VIPR2: variants seen among roughly 807,000 people sequenced by gnomAD.
VIPR2 encodes the protein vasoactive intestinal peptide receptor 2.
A neutral mutation model predicts 58.0 loss-of-function variants in VIPR2; 48 were observed. That is an observed-to-expected ratio of 0.83 (90% CI 0.66 to 1.05). The LOEUF (loss-of-function observed/expected upper bound fraction) is 1.05. VIPR2 is among the 50% of genes least tolerant of loss of function. VIPR2 has a pLI of 0.00. For missense variants in VIPR2, 534 were observed against 558.0 expected, an observed-to-expected ratio of 0.96 and a Z score of 0.43; for synonymous variants, 243 against 235.2, an observed-to-expected ratio of 1.03 and a Z score of -0.30.
In VIPR2 at chr7:159,110,980, A is replaced by C. The variant is rs546094103; in HGVS notation, c.152-1061T>G. 1.8e-3 allele frequency among the ~76,000 whole-genome samples: 274 copies of C among 152,386 alleles called. 1 individual carries two copies. Among genetic ancestry groups the C allele is most frequent in the Middle Eastern group, 6.8e-3 (2 of 294 alleles). On this transcript the variant is annotated intron_variant, in intron 2 of 12. Transcript: ENST00000262178. ...AATACTTGAATAAGTACATAAATTCATATTACATTAATGTTAACATATTTA... is the reference window on the plus strand; with the variant it reads ...AATACTTGAATAAGTACATAAATTCCTATTACATTAATGTTAACATATTTA...
rs1856391681 is a variant in VIPR2, at chr7:159,071,526, C to G, written c.358-12948G>C. Among the ~76,000 whole-genome samples, 3 of 152,350 alleles carry G rather than the reference C, an allele frequency of 2.0e-5. No homozygotes were observed. In the South Asian group the frequency reaches 6.2e-4, roughly 32 times the overall value. ...CAGTTGTGCCTGGAGCTCGGACCCA[C>G]AACCCCACCAGCCTCATCCCAAGGC... On this transcript the variant is annotated intron_variant, in intron 4 of 12. Transcript: ENST00000262178.
At position 159,030,713 on chromosome 7, in the gene VIPR2, C is replaced by T. The variant is rs369236802; in HGVS notation, c.1220G>A (p.Gly407Asp). Residue 407 changes from glycine (G) to aspartate (D), a missense_variant, in exon 13 of 13, where the codon GGT (glycine) becomes GAT (aspartate). Coordinates refer to ENST00000262178, the MANE Select transcript of VIPR2 (RefSeq NM_003382.5). ...PSASRDYRVC[G>D]SSFSRNGSEG... ...CGAGCCGTTGCGGGAGAAGGAGGAA[C>T]CGCAGACCCTGTAATCCCGGCTCGC... The T allele has an allele frequency of 2.5e-6, 4 of 1,593,300 alleles. No homozygotes were observed. Among genetic ancestry groups the T allele is most frequent in the African/African-American group, 1.3e-5 (1 of 74,542 alleles).
At chr7:159,132,862 T>TGATTGGCATACAGATTGATTTC (rs1563355309) in intron 2 of VIPR2, among the ~76,000 whole-genome samples, 2 of 48,182 alleles carry the variant, frequency 4.2e-5, no homozygotes, top group African/African-American at 7.7e-5. Flanking sequence ...CGATTGATTT[T>TGATTGGCATACAGATTGATTTC]AGACAGAATG....
chr7:159,105,826 T>C (rs970488677), intron 3 of VIPR2, among the ~76,000 whole-genome samples: 1 of 152,194 alleles, frequency 6.6e-6, no homozygotes, highest in Non-Finnish European at 1.5e-5. Context: ...AGATAAATAA[T>C]GTGCCCATCA....
At chr7:159,112,282 C>A (rs1796044731) in intron 2 of VIPR2, among the ~76,000 whole-genome samples, 1 of 152,226 alleles carries the variant, frequency 6.6e-6, no homozygotes, top group African/African-American at 2.4e-5. Context: ...GAGCTAGACG[C>A]TGTCAGGATG....
Position 159,035,913 on chromosome 7 carries a change from G to A in VIPR2, c.809+39C>T, listed in dbSNP as rs200592344. The A allele has an allele frequency of 3.2e-4, 517 of 1,601,196 alleles. 2 individuals are homozygous for A. Among genetic ancestry groups the A allele is most frequent in the Admixed American group, 9.0e-4 (53 of 58,954 alleles). On this transcript the variant is annotated intron_variant, in intron 8 of 12. Transcript: ENST00000262178. ...GGACTTCATGTTGCCAGATGTTGCCGGGCCCGTTTTCGAGGTTGCAGTCTG... is the reference window on the plus strand; with the variant it reads ...GGACTTCATGTTGCCAGATGTTGCCAGGCCCGTTTTCGAGGTTGCAGTCTG...
chr7:159,123,368 C>T (rs1015078850), intron 2 of VIPR2, among the ~76,000 whole-genome samples: 5 of 147,624 alleles, frequency 3.4e-5, no homozygotes, highest in African/African-American at 1.2e-4. Context: ...CATAAGTTCT[C>T]ATAATTTAGC....
chr7:159,062,996 G>A (rs1855799369), intron 4 of VIPR2, among the ~76,000 whole-genome samples: 1 of 152,188 alleles, frequency 6.6e-6, no homozygotes, highest in Non-Finnish European at 1.5e-5. Context: ...GCTAGACACA[G>A]GGTGTTGACT....
rs565316137 is a variant in VIPR2 at position 159,125,098 on chromosome 7, C to T, written c.152-15179G>A. 7.9e-5 allele frequency among the ~76,000 whole-genome samples: 12 copies of T among 152,304 alleles called. No homozygotes were observed. The South Asian group carries it at 1.9e-3, about 24-fold the overall frequency. On this transcript the variant is annotated intron_variant, in intron 2 of 12. Transcript: ENST00000262178. ...ATCTGCAAAAGGGGTAAGTTGACTT[C>T]CTCTCTTCCTATTTGGATGCGCTTT...
At chr7:159,134,360 A>C (rs570475805) in intron 2 of VIPR2, among the ~76,000 whole-genome samples, 2 of 152,372 alleles carry the variant, frequency 1.3e-5, no homozygotes, top group East Asian at 1.9e-4. Context: ...GTATATGAAA[A>C]AAACAGAGAA....
chr7:159,045,700 A>G (rs1854603343), intron 5 of VIPR2, among the ~76,000 whole-genome samples: 1 of 152,166 alleles, frequency 6.6e-6, no homozygotes, highest in Admixed American at 6.5e-5. Context: ...CAAGTCTAAT[A>G]GGCTCTGTTG....
At chr7:159,115,365 C>T (rs543923141) in intron 2 of VIPR2, among the ~76,000 whole-genome samples, 4 of 152,216 alleles carry the variant, frequency 2.6e-5, no homozygotes, top group Non-Finnish European at 4.4e-5. Flanking sequence ...TCAGAGGAGC[C>T]GCTTCTCTGG....
In VIPR2 at chr7:159,093,434, G is replaced by A. The variant is rs1857615838; in HGVS notation, c.357+10323C>T. ...CTTACTTTCGAGGGTGCTGGCGGGT[G>A]TGGCTGGAGCTCACTCTCACTGCCG... On this transcript the variant is annotated intron_variant, in intron 4 of 12. Coordinates refer to ENST00000262178, the MANE Select transcript of VIPR2 (RefSeq NM_003382.5). This position sits in a 1 kb window ranked among gnomAD's most constrained non-coding sequence, Gnocchi z 6.7. 6.6e-6 allele frequency among the ~76,000 whole-genome samples: 1 copy of A among 152,216 alleles called. No homozygotes were observed. The highest frequency in any genetic ancestry group is 1.9e-4 in the East Asian group (1 of 5,190).
intron 12 of VIPR2, 107 bp from the exon 13 acceptor site, chr7:159,030,896 G>C: frequency 7.4e-7 from 1 of 1,343,994 alleles, no homozygotes; most frequent in Non-Finnish European, 9.8e-7. Flanking sequence ...GCCTGCTCCC[G>C]TATCTGTGTT....
At chr7:159,038,558 G>C (rs1013769767) in intron 6 of VIPR2, among the ~76,000 whole-genome samples, 2 of 152,158 alleles carry the variant, frequency 1.3e-5, no homozygotes, top group Non-Finnish European at 2.9e-5. Flanking sequence ...CCACTCATTT[G>C]AAAAGTAAAG....
At chr7:159,109,665 C>T (rs1795912999) in intron 3 of VIPR2, 147 bp downstream of exon 3, 3 of 723,422 alleles carry the variant, frequency 4.1e-6, no homozygotes, top group Admixed American at 2.2e-5. Context: ...CGGGCACTCA[C>T]CCCAATATGC....
chr7:159,058,917 G>A (rs547406603), intron 4 of VIPR2, among the ~76,000 whole-genome samples: 5 of 152,190 alleles, frequency 3.3e-5, no homozygotes, highest in African/African-American at 4.8e-5. Context: ...GTCTGTCTCC[G>A]AGGCAGCACA....
chr7:159,118,264 G>A (rs973180689), intron 2 of VIPR2, among the ~76,000 whole-genome samples: 6 of 152,160 alleles, frequency 3.9e-5, no homozygotes, highest in Non-Finnish European at 7.3e-5. Context: ...TGCCCCAAAC[G>A]GTAACAGGAT....
intron 2 of VIPR2, among the ~76,000 whole-genome samples, chr7:159,120,845 A>G (rs1015553753): frequency 2.6e-5 from 4 of 152,010 alleles, no homozygotes; most frequent in African/African-American, 9.7e-5. Context: ...TTGAAAATGC[A>G]TTTTCTAACC....
Sources: gnomAD v4.1 joint callset for allele counts (sites outside exome capture counted in the v4.1 genomes callset) on GRCh38, gnomAD v4.1.1 for gene constraint, Gnocchi (gnomAD v3.1) non-coding constraint, MANE v1.5 for transcripts, NCBI Gene and HGNC (gene_info 2026-07-23, HGNC 2026-07-21) for gene names.